Variants in BRD7 observed in about 807,000 individuals in gnomAD.
The protein encoded by BRD7 is bromodomain containing 7.
In BRD7, 15 loss-of-function variants were observed where a neutral mutation model predicts 82.1. The ratio of observed to expected loss-of-function variants is 0.18; its 90% CI spans 0.12 to 0.28. The LOEUF (loss-of-function observed/expected upper bound fraction) is 0.28. BRD7 is among the 10% of genes least tolerant of loss of function. The pLI is 1.00. For missense variants in BRD7, 638 were observed against 779.9 expected (o/e 0.82, Z 2.17); for synonymous variants, 232 against 266.9 (o/e 0.87, Z 1.27).
At chr16:50,364,264 T>C (rs1233536486) in intron 2 of BRD7, among the ~76,000 whole-genome samples, 1 of 152,136 alleles carries the variant, frequency 6.6e-6, no homozygotes, top group Non-Finnish European at 1.5e-5. Flanking sequence ...CTCAGAATCA[T>C]ACATACTCTA....
intron 2 of BRD7, among the ~76,000 whole-genome samples, chr16:50,365,373 C>T (rs1192751762): frequency 1.3e-5 from 2 of 152,186 alleles, no homozygotes; most frequent in Admixed American, 1.3e-4. Flanking sequence ...GACTGAGTCC[C>T]TGTTAGTCAC....
At chr16:50,324,412 C>T (rs1015801967) in intron 11 of BRD7, among the ~76,000 whole-genome samples, 1 of 152,140 alleles carries the variant, frequency 6.6e-6, no homozygotes, top group African/African-American at 2.4e-5. Flanking sequence ...TAATCTGGAC[C>T]GGGTCACTCT....
chr16:50,325,019 A>T (rs974466071), intron 11 of BRD7, among the ~76,000 whole-genome samples: 2 of 152,260 alleles, frequency 1.3e-5, no homozygotes, highest in Non-Finnish European at 2.9e-5. Flanking sequence ...TTTGTGAGAA[A>T]AGCAGGGGAC....
In BRD7 at chr16:50,354,409, T is replaced by C. The variant is rs1447079939; in HGVS notation, c.446+16A>G. On this transcript the variant is annotated intron_variant, in intron 4 of 16. Transcript: ENST00000394688. Reference sequence around the variant, plus strand: ...TTTTAATTTCTATGTTATAAAAATATTGGAAAAACATTTACCTCTGCAATT... The same window carrying C: ...TTTTAATTTCTATGTTATAAAAATACTGGAAAAACATTTACCTCTGCAATT... The C allele has an allele frequency of 2.5e-6, 4 of 1,600,570 alleles. No homozygotes were observed. The highest frequency in any genetic ancestry group is 3.4e-6 in the Non-Finnish European group (4 of 1,169,410).
In BRD7 at chr16:50,335,933, G is replaced by T. The variant is rs117052159; in HGVS notation, c.703-1038C>A. 1.3e-3 allele frequency among the ~76,000 whole-genome samples: 194 copies of T among 152,170 alleles called. 1 individual carries two copies. In the East Asian group the frequency reaches 0.034, roughly 26 times the overall value. ...AACCATTAAAGCGATCTATTTTATT[G>T]TGGACAAATAAAAATATGGGTAGAG... On this transcript the variant is annotated intron_variant, in intron 6 of 16. Coordinates refer to ENST00000394688, the MANE Select transcript of BRD7 (RefSeq NM_013263.5).
At chr16:50,344,957 C>T (rs1223185360) in intron 5 of BRD7, among the ~76,000 whole-genome samples, 1 of 152,130 alleles carries the variant, frequency 6.6e-6, no homozygotes, top group African/African-American at 2.4e-5. Flanking sequence ...CTCCAAGACA[C>T]ATAATTGTCA....
At chr16:50,348,363 T>C (rs1339746000) in intron 5 of BRD7, among the ~76,000 whole-genome samples, 1 of 152,164 alleles carries the variant, frequency 6.6e-6, no homozygotes, top group East Asian at 1.9e-4. Flanking sequence ...AAGGACTTCA[T>C]GACTAAAACA....
chr16:50,368,153 C>T lies in BRD7; in HGVS notation c.195G>A (p.Lys65=), dbSNP rs1350418816. 6.2e-7 allele frequency: 1 copy of T among 1,613,994 alleles called. No individual in the cohort carries two copies. The highest frequency in any genetic ancestry group is 2.2e-5 in the East Asian group (1 of 44,906). The part of the protein sequence containing the change: ...HDKHKDRKRK[K]RKKGEKQIPG... ...GAATCTGCTTCTCTCCTTTCTTTCT[C>T]TTTTTCCGCTTTCTGTCCTTGTGTT... The change falls in exon 2 of 17, where the codon AAG becomes AAA. Residue 65 remains lysine, a synonymous_variant. Transcript: ENST00000394688.
At chr16:50,351,286 A>C (rs183910784) in intron 4 of BRD7, among the ~76,000 whole-genome samples, 275 of 152,338 alleles carry the variant, frequency 1.8e-3, no homozygotes, top group African/African-American at 6.2e-3. Context: ...TGCATTAAAT[A>C]AAAGAGTAGA....
chr16:50,338,054 T>C (rs1232150482), intron 6 of BRD7, among the ~76,000 whole-genome samples: 1 of 152,172 alleles, frequency 6.6e-6, no homozygotes, highest in Non-Finnish European at 1.5e-5. Context: ...TCAAAGGTCA[T>C]TAAAAATTAG....
At position 50,328,556 on chromosome 16, in the gene BRD7, CATA is replaced by C. The variant is rs1436517436; in HGVS notation, c.1087+110_1087+112del. ...ATGATGTCTAGCTAGATCCTTTGTG[CATA>C]ATGACACAGACTGATCAATATTCAA... On this transcript the variant is annotated intron_variant, in intron 9 of 16. Transcript: ENST00000394688. 2.8e-5 allele frequency: 23 copies of C among 821,674 alleles called. No homozygotes were observed. In the Middle Eastern group the frequency reaches 1.9e-3, roughly 67 times the overall value. The allele number at this position is 821,674 out of a possible 1,614,324, so 50.9% of individuals were successfully genotyped here. A position where few individuals can be genotyped will look rare whatever the true frequency, so the allele number is the denominator to read the frequency against.
intron 6 of BRD7, among the ~76,000 whole-genome samples, chr16:50,339,135 C>T (rs1021873106): frequency 3.3e-5 from 5 of 152,270 alleles, no homozygotes; most frequent in Non-Finnish European, 5.9e-5. Context: ...CCTACGCACA[C>T]ACTTCTCTGA....
At chr16:50,352,567 T>G (rs1373970056) in intron 4 of BRD7, among the ~76,000 whole-genome samples, 3 of 152,216 alleles carry the variant, frequency 2.0e-5, no homozygotes, top group Non-Finnish European at 2.9e-5. Flanking sequence ...ACCCAGTAGC[T>G]GAATTGCTGG....
intron 2 of BRD7, among the ~76,000 whole-genome samples, chr16:50,366,384 G>A (rs541647930): frequency 2.0e-4 from 30 of 152,296 alleles, no homozygotes; most frequent in Admixed American, 1.3e-3. Flanking sequence ...AATGTCTCCA[G>A]AGGAAAATAA....
chr16:50,365,060 T>A (rs991729825), intron 2 of BRD7, among the ~76,000 whole-genome samples: 1 of 152,298 alleles, frequency 6.6e-6, no homozygotes, highest in East Asian at 1.9e-4. Context: ...TACTCCCGTA[T>A]GCAGAGAGGT....
chr16:50,350,824 G>A (rs1163123263), intron 4 of BRD7, among the ~76,000 whole-genome samples: 1 of 152,166 alleles, frequency 6.6e-6, no homozygotes, highest in Non-Finnish European at 1.5e-5. Flanking sequence ...TCACACAGGA[G>A]CTTTAAAAAA....
In BRD7 at chr16:50,368,932, C is replaced by G. The variant is rs1185763282; in HGVS notation, c.-158G>C. On this transcript the variant is annotated 5_prime_UTR_variant, in exon 1 of 17. Transcript: ENST00000394688. Reference sequence around the variant, plus strand: ...GCGCGCCGGGCGGCGCGATGCCCCTCTCGAGAAGACGGCGCGCGAGACCCG... The same window carrying G: ...GCGCGCCGGGCGGCGCGATGCCCCTGTCGAGAAGACGGCGCGCGAGACCCG... 9.2e-6 allele frequency: 2 copies of G among 218,062 alleles called. No individual in the cohort carries two copies. Among genetic ancestry groups the G allele is most frequent in the Non-Finnish European group, 1.5e-5 (2 of 131,154 alleles). 13.5% of individuals were successfully genotyped at this position (218,062 alleles called of 1,614,324 possible).
At chr16:50,353,501 C>T (rs1295815957) in intron 4 of BRD7, among the ~76,000 whole-genome samples, 10 of 152,168 alleles carry the variant, frequency 6.6e-5, no homozygotes, top group Admixed American at 5.9e-4. Context: ...GTATGATCTA[C>T]AACCATAAAC....
At chr16:50,363,641 T>TG (rs2039012877) in intron 2 of BRD7, among the ~76,000 whole-genome samples, 113 of 149,172 alleles carry the variant, frequency 7.6e-4, no homozygotes, top group African/African-American at 2.8e-3. Flanking sequence ...CGTTGTGTGT[T>TG]TGTGTGTGTG....
Sources: gnomAD v4.1 joint callset for allele counts (sites outside exome capture counted in the v4.1 genomes callset) on GRCh38, gnomAD v4.1.1 for gene constraint, MANE v1.5 for transcripts, NCBI Gene and HGNC (gene_info 2026-07-23, HGNC 2026-07-21) for gene names.